Variants in ZNF618 observed in about 807,000 individuals in gnomAD.
ZNF618 encodes the protein zinc finger protein 618.
Under a neutral mutation model 103.0 loss-of-function variants are expected in ZNF618, and 34 were observed. The observed-to-expected ratio is 0.33, with a 90% confidence interval of 0.25 to 0.44. The LOEUF is 0.44. ZNF618 is among the 20% of genes least tolerant of loss of function. The pLI is 1.00. For missense variants in ZNF618, 1,059 were observed against 1,295.4 expected (o/e 0.82, Z 2.80); for synonymous variants, 551 against 542.2 (o/e 1.02, Z -0.23).
Position 113,988,334 on chromosome 9 carries a change from C to T in ZNF618, c.91C>T (p.Arg31Cys), listed in dbSNP as rs1175301047. The T allele has an allele frequency of 1.3e-5, 21 of 1,611,906 alleles. No homozygotes were observed. Among genetic ancestry groups the T allele is most frequent in the Admixed American group, 6.7e-5 (4 of 59,944 alleles). The change falls in exon 3 of 15, where the codon CGC (arginine) becomes TGC (cysteine). Residue 31 changes from arginine to cysteine, a missense_variant. Arg to Cys is a radical substitution (Grantham distance 180). Around this residue, in one of 6 missense-constraint regions of ZNF618, gnomAD observed 194 missense variants for 209.0 expected, o/e 0.93. Coordinates refer to ENST00000374126, the MANE Select transcript of ZNF618 (RefSeq NM_001318042.2). ...KSTASRERLKRSQKSTKVEGP... is the reference protein window; with the variant it reads ...KSTASRERLKCSQKSTKVEGP... Reference sequence around the variant, plus strand: ...CTTCTTTCCCAGGGAGCGCTTGAAGCGCAGCCAGAAGAGCACCAAGGTGGA... The same window carrying T: ...CTTCTTTCCCAGGGAGCGCTTGAAGTGCAGCCAGAAGAGCACCAAGGTGGA...
chr9:113,973,865 C>T (rs1317274580), intron 2 of ZNF618, among the ~76,000 whole-genome samples: 2 of 152,262 alleles, frequency 1.3e-5, no homozygotes, highest in East Asian at 3.9e-4. Flanking sequence ...ATAAGGAAAT[C>T]TGGGGTAGAA....
At chr9:114,038,372 G>A (rs1286950378) in intron 13 of ZNF618, among the ~76,000 whole-genome samples, 1 of 152,244 alleles carries the variant, frequency 6.6e-6, no homozygotes, top group Non-Finnish European at 1.5e-5. Flanking sequence ...TGTTTTCGGA[G>A]TGGAGCCGTG....
intron 1 of ZNF618, among the ~76,000 whole-genome samples, chr9:113,962,326 C>T (rs1463628662): frequency 6.6e-6 from 1 of 152,204 alleles, no homozygotes; most frequent in Non-Finnish European, 1.5e-5. Context: ...CAGTCCCTGC[C>T]ACCATCATCT....
At chr9:113,988,698 G>A in intron 3 of ZNF618, 118 bp downstream of exon 3, 1 of 1,389,980 alleles carries the variant, frequency 7.2e-7, no homozygotes, top group Non-Finnish European at 9.5e-7. Context: ...ACCTTTGCTG[G>A]CTTCCCTCTG....
chr9:113,948,465 C>T (rs758912362), intron 1 of ZNF618, among the ~76,000 whole-genome samples: 6 of 152,226 alleles, frequency 3.9e-5, no homozygotes, highest in East Asian at 1.9e-4. Context: ...GGCTTTGGGC[C>T]TCACAGCTTT....
intron 12 of ZNF618, chr9:114,035,234 G>C (rs1844478651): frequency 1.0e-6 from 1 of 986,052 alleles, no homozygotes; most frequent in East Asian, 1.1e-4. Context: ...CTCTCCTACA[G>C]AGTAAGTGAT....
At chr9:113,968,159 T>G (rs984463282) in intron 1 of ZNF618, among the ~76,000 whole-genome samples, 5 of 152,128 alleles carry the variant, frequency 3.3e-5, no homozygotes, top group Non-Finnish European at 7.4e-5. Context: ...ACAGTCCTCA[T>G]TGTTGTTTTG....
At chr9:113,897,238 C>T (rs1257051211) in intron 1 of ZNF618, among the ~76,000 whole-genome samples, 1 of 152,090 alleles carries the variant, frequency 6.6e-6, no homozygotes, top group Non-Finnish European at 1.5e-5. Context: ...GTTTTTGATT[C>T]CTTCATATAT....
chr9:113,884,203 C>T (rs1828826685), intron 1 of ZNF618, among the ~76,000 whole-genome samples: 1 of 152,170 alleles, frequency 6.6e-6, no homozygotes, highest in African/African-American at 2.4e-5. Flanking sequence ...CATGCATGAG[C>T]TGGCCCGACA....
chr9:113,983,898 T>G (rs753786400), intron 2 of ZNF618, among the ~76,000 whole-genome samples: 2 of 152,192 alleles, frequency 1.3e-5, no homozygotes, highest in Non-Finnish European at 2.9e-5. Flanking sequence ...TATATTCTGC[T>G]GTTCCAGTGG....
chr9:113,881,648 G>A (rs1486617119), intron 1 of ZNF618, among the ~76,000 whole-genome samples: 2 of 152,142 alleles, frequency 1.3e-5, no homozygotes, highest in Non-Finnish European at 2.9e-5. Context: ...TACTATATTG[G>A]ACAGCTCAGG....
At chr9:113,904,029 G>A (rs567060281) in intron 1 of ZNF618, among the ~76,000 whole-genome samples, 1 of 144,710 alleles carries the variant, frequency 6.9e-6, no homozygotes, top group Admixed American at 7.0e-5. Flanking sequence ...TTTTTTCCAA[G>A]GATTCCAATT....
chr9:113,900,067 T>C (rs1342747649), intron 1 of ZNF618, among the ~76,000 whole-genome samples: 1 of 152,166 alleles, frequency 6.6e-6, no homozygotes, highest in Non-Finnish European at 1.5e-5. Context: ...TTTTATTTTT[T>C]TATTTTTTGA....
chr9:113,910,918 C>T (rs575720628), intron 1 of ZNF618, among the ~76,000 whole-genome samples: 1 of 152,140 alleles, frequency 6.6e-6, no homozygotes, highest in Admixed American at 6.5e-5. Context: ...GCAGCCTCTG[C>T]CTCCCAGGTC....
intron 2 of ZNF618, among the ~76,000 whole-genome samples, chr9:113,987,614 A>G (rs749227176): frequency 3.9e-5 from 6 of 152,242 alleles, no homozygotes; most frequent in Non-Finnish European, 8.8e-5. Flanking sequence ...GATATCGCGT[A>G]CATCAAAGCA....
intron 10 of ZNF618, among the ~76,000 whole-genome samples, chr9:114,021,788 T>G (rs1843088324): frequency 2.0e-5 from 3 of 152,116 alleles, no homozygotes; most frequent in Admixed American, 6.5e-5. Flanking sequence ...TAAATTAGTT[T>G]GCGTTTCCTA....
intron 9 of ZNF618, among the ~76,000 whole-genome samples, chr9:114,013,157 A>C (rs992203789): frequency 5.3e-5 from 8 of 152,208 alleles, no homozygotes; most frequent in Non-Finnish European, 8.8e-5. Context: ...TATCTAGACA[A>C]ATTGTGGTTT....
rs778499646 is a variant in ZNF618, at chr9:114,048,766, C to T, written c.1464C>T (p.Ser488=). 16 of 1,614,028 alleles carry T rather than the reference C, an allele frequency of 9.9e-6. No homozygotes were observed. The highest frequency in any genetic ancestry group is 1.6e-4 in the Middle Eastern group (1 of 6,062). Residue 488 remains serine (S), a synonymous_variant, in exon 15 of 15, where the codon AGC becomes AGT. Coordinates refer to ENST00000374126, the MANE Select transcript of ZNF618 (RefSeq NM_001318042.2). ...ACCTGGGTGCACTGAGCGTGGTCAG[C>T]GGGAAGGAGTTCCTGAAGTTGGCCC... is the stretch of plus-strand genomic sequence containing the variant. The part of the protein sequence containing the change: ...CADLGALSVV[S]GKEFLKLAQT...
At chr9:113,999,261 C>T (rs953764921) in intron 4 of ZNF618, among the ~76,000 whole-genome samples, 11 of 150,278 alleles carry the variant, frequency 7.3e-5, no homozygotes, top group Admixed American at 2.0e-4. Context: ...TTAGGCTGAT[C>T]GAGGGGCAGG....
Sources: gnomAD v4.1 joint callset for allele counts (sites outside exome capture counted in the v4.1 genomes callset) on GRCh38, gnomAD v4.1.1 for gene constraint, gnomAD v4.1.1 regional missense constraint, MANE v1.5 for transcripts, NCBI Gene and HGNC (gene_info 2026-07-23, HGNC 2026-07-21) for gene names.